Variants in KDM2A observed in about 807,000 individuals in gnomAD.
KDM2A encodes the protein lysine-specific demethylase 2A.
KDM2A carries 3 observed loss-of-function variants against 137.3 expected under a neutral mutation model. That is an observed-to-expected ratio of 0.02 (90% confidence interval 0.01 to 0.06). The LOEUF (loss-of-function observed/expected upper bound fraction) is 0.06, where lower values mean the gene tolerates loss of function less well. Among genes scored for constraint, KDM2A ranks in the 10% least tolerant of loss-of-function variants. The pLI, the probability that KDM2A is intolerant of heterozygous loss-of-function variation, is 1.00. For synonymous variants in KDM2A, 512 were observed against 541.5 expected (o/e 0.95, Z 0.76); for missense variants, 738 against 1,510.6 (o/e 0.49, Z 8.48).
intron 12 of KDM2A, among the ~76,000 whole-genome samples, chr11:67,234,884 T>A (rs756610326): frequency 2.6e-5 from 4 of 151,906 alleles, no homozygotes; most frequent in Non-Finnish European, 4.4e-5. Flanking sequence ...TGGTGGCTCA[T>A]GCCTGTAGTC....
At chr11:67,233,282 G>T (rs184842339) in intron 12 of KDM2A, among the ~76,000 whole-genome samples, 1 of 149,592 alleles carries the variant, frequency 6.7e-6, no homozygotes, top group Non-Finnish European at 1.5e-5. Flanking sequence ...ACTTTGAGAG[G>T]CCAAGGTGGG....
At chr11:67,248,420 T>C (rs1565425090) in intron 16 of KDM2A, 50 bp downstream of exon 16, 5 of 1,250,020 alleles carry the variant, frequency 4.0e-6, no homozygotes, top group African/African-American at 1.5e-5. Flanking sequence ...AGGCATCAAA[T>C]GTGGGGGATT....
chr11:67,208,471 A>G (rs1360375795), intron 6 of KDM2A, among the ~76,000 whole-genome samples: 1 of 151,988 alleles, frequency 6.6e-6, no homozygotes, highest in Non-Finnish European at 1.5e-5. Context: ...GGAGAGGAAT[A>G]TTAAAATTCA....
At chr11:67,226,437 T>G (rs1354151649) in intron 10 of KDM2A, among the ~76,000 whole-genome samples, 1 of 152,092 alleles carries the variant, frequency 6.6e-6, no homozygotes, top group South Asian at 2.1e-4. Context: ...TCAATCAGAT[T>G]TCCAGCCAGG....
rs1012230844 is a variant in KDM2A at position 67,142,651 on chromosome 11, C to T, written c.42+21293C>T. 2.0e-5 allele frequency among the ~76,000 whole-genome samples: 3 copies of T among 151,412 alleles called. No individual in the cohort carries two copies. In the East Asian group the frequency reaches 5.9e-4, roughly 30 times the overall value. The stretch of plus-strand genomic sequence containing the variant: ...CCTGGGAAGCGGAGGTTGCAGTGAG[C>T]CGAGATTGCACCATCGCACTCCAGA... On this transcript the variant is annotated intron_variant, in intron 2 of 20. Transcript: ENST00000529006.
chr11:67,183,961 T>G (rs1857146100), intron 5 of KDM2A, among the ~76,000 whole-genome samples: 1 of 151,212 alleles, frequency 6.6e-6, no homozygotes. Flanking sequence ...ATACAAAAAT[T>G]AGCTGGGTGT....
At chr11:67,212,782 T>TA (rs35372040) in intron 6 of KDM2A, among the ~76,000 whole-genome samples, 6,023 of 143,046 alleles carry the variant, frequency 0.042, 415 homozygotes, top group Admixed American at 0.19. Context: ...GAATGCGTGG[T>TA]AAAAAAAAAA....
At chr11:67,215,657 T>A (rs775861602) in intron 7 of KDM2A, 199 bp from the exon 8 acceptor site, 11 of 625,842 alleles carry the variant, frequency 1.8e-5, no homozygotes, top group Non-Finnish European at 3.1e-5. Context: ...AAAACTTACA[T>A]TTTAGTCAAT....
intron 2 of KDM2A, among the ~76,000 whole-genome samples, chr11:67,152,572 C>T (rs1856417098): frequency 6.6e-6 from 1 of 151,808 alleles, no homozygotes; most frequent in Non-Finnish European, 1.5e-5. Flanking sequence ...CATGCCACTG[C>T]ACTCTAGCTT....
chr11:67,184,857 CAATAAT>C (rs1201622425), intron 5 of KDM2A, among the ~76,000 whole-genome samples: 1 of 151,934 alleles, frequency 6.6e-6, no homozygotes, highest in Admixed American at 6.6e-5. Flanking sequence ...ACAAAACACA[CAATAAT>C]AAAACACAAA....
chr11:67,149,946 TC>T (rs1463198140), intron 2 of KDM2A, among the ~76,000 whole-genome samples: 1 of 152,100 alleles, frequency 6.6e-6, no homozygotes, highest in Non-Finnish European at 1.5e-5. Context: ...GGTCTTGAAC[TC>T]CCGACCTCAG....
At chr11:67,178,738 G>A (rs531502215) in intron 2 of KDM2A, among the ~76,000 whole-genome samples, 1 of 152,050 alleles carries the variant, frequency 6.6e-6, no homozygotes, top group South Asian at 2.1e-4. Flanking sequence ...CCTTTTTGTG[G>A]TTAAATGATA....
intron 2 of KDM2A, among the ~76,000 whole-genome samples, chr11:67,127,389 G>A (rs2136279995): frequency 6.6e-6 from 1 of 152,136 alleles, no homozygotes; most frequent in Non-Finnish European, 1.5e-5. Context: ...CCAAAGTGCT[G>A]GGAGTACAGG....
At chr11:67,159,314 A>G (rs942235439) in intron 2 of KDM2A, among the ~76,000 whole-genome samples, 1 of 152,176 alleles carries the variant, frequency 6.6e-6, no homozygotes, top group Non-Finnish European at 1.5e-5. Context: ...TCCTGTGTCA[A>G]AGATAATTAT....
chr11:67,211,490 C>T (rs1167919936), intron 6 of KDM2A, among the ~76,000 whole-genome samples: 2 of 151,320 alleles, frequency 1.3e-5, no homozygotes, highest in Non-Finnish European at 3.0e-5. Flanking sequence ...GGTGCACACC[C>T]GTGATCCCAG....
At chr11:67,168,045 T>C (rs1435113175) in intron 2 of KDM2A, among the ~76,000 whole-genome samples, 1 of 152,206 alleles carries the variant, frequency 6.6e-6, no homozygotes, top group Non-Finnish European at 1.5e-5. Flanking sequence ...TATACTTCCT[T>C]AGGGCATTTT....
intron 17 of KDM2A, 78 bp from the exon 18 acceptor site, chr11:67,252,616 C>A: frequency 6.7e-7 from 1 of 1,503,022 alleles, no homozygotes; most frequent in East Asian, 2.3e-5. Context: ...CTGCTTTTCC[C>A]AGAAGCCATA....
chr11:67,167,491 G>A (rs1856772506), intron 2 of KDM2A, among the ~76,000 whole-genome samples: 1 of 152,010 alleles, frequency 6.6e-6, no homozygotes, highest in Non-Finnish European at 1.5e-5. Context: ...CTGTATATAA[G>A]TAGCTATTTG....
At chr11:67,144,250 A>ATTTTT (rs780214487) in intron 2 of KDM2A, among the ~76,000 whole-genome samples, 2 of 131,694 alleles carry the variant, frequency 1.5e-5, no homozygotes, top group Non-Finnish European at 3.3e-5. Flanking sequence ...TTGGCCTTAA[A>ATTTTT]TTTTTTTTTT....
Sources: allele counts gnomAD v4.1 joint callset (sites outside exome capture counted in the v4.1 genomes callset), GRCh38; gene constraint gnomAD v4.1.1; transcripts MANE v1.5; gene names NCBI Gene and HGNC (gene_info 2026-07-23, HGNC 2026-07-21).